The following ZNF385D variants were observed in gnomAD, a reference collection of about 807,000 sequenced individuals.
ZNF385D encodes the protein zinc finger protein 385D.
ZNF385D carries 15 observed loss-of-function variants against 35.8 expected under a neutral mutation model. That is an observed-to-expected ratio of 0.42 (90% confidence interval 0.28 to 0.64). The LOEUF (loss-of-function observed/expected upper bound fraction) is 0.64, where lower values mean the gene tolerates loss of function less well. Ranked by LOEUF, ZNF385D falls within the 30% of genes least tolerant of loss-of-function variation. The probability of loss-of-function intolerance (pLI) is 0.23; values close to 1 mark genes in which losing one functional copy is unlikely to be tolerated. For synonymous variants in ZNF385D, 212 were observed against 186.8 expected, an observed-to-expected ratio of 1.13 and a Z score of -1.10; for missense variants, 474 against 494.6, an observed-to-expected ratio of 0.96 and a Z score of 0.39.
chr3:22,258,544 C>G (rs1018897540), intron 2 of ZNF385D, among the ~76,000 whole-genome samples: 3 of 151,402 alleles, frequency 2.0e-5, no homozygotes, highest in Non-Finnish European at 4.4e-5. Context: ...CTCTGGGTAG[C>G]AGAACTTGTA....
chr3:21,713,891 A>T (rs896710520), intron 1 of ZNF385D, among the ~76,000 whole-genome samples: 23 of 152,130 alleles, frequency 1.5e-4, no homozygotes, highest in Middle Eastern at 3.2e-3. Flanking sequence ...CTCCTTTTAC[A>T]TCAACTGAGT....
intron 3 of ZNF385D, among the ~76,000 whole-genome samples, chr3:22,002,576 T>C (rs1324211514): frequency 1.3e-5 from 2 of 152,190 alleles, no homozygotes; most frequent in African/African-American, 2.4e-5. Flanking sequence ...TAACTCATTT[T>C]ATGAGGCCAG....
At chr3:21,579,617 G>A (rs1346127183) in intron 2 of ZNF385D, 1 of 152,090 alleles carries the variant, frequency 6.6e-6, no homozygotes, top group African/African-American at 2.4e-5. Context: ...ATATTTTAAT[G>A]TGTTTTCTAG....
At chr3:22,288,902 C>T (rs1159672824) in intron 2 of ZNF385D, among the ~76,000 whole-genome samples, 1 of 152,070 alleles carries the variant, frequency 6.6e-6, no homozygotes, top group Non-Finnish European at 1.5e-5. Context: ...CCTAAAGTGC[C>T]TCTCAAATCT....
intron 2 of ZNF385D, among the ~76,000 whole-genome samples, chr3:22,341,915 T>A (rs1430116506): frequency 6.6e-6 from 1 of 152,166 alleles, no homozygotes; most frequent in Non-Finnish European, 1.5e-5. Context: ...TTAATTATGG[T>A]AATATCTCTG....
At chr3:21,492,618 A>T (rs1298670577) in intron 4 of ZNF385D, among the ~76,000 whole-genome samples, 1 of 151,666 alleles carries the variant, frequency 6.6e-6, no homozygotes, top group Non-Finnish European at 1.5e-5. Context: ...CCTCCTCTCC[A>T]CCAAAAACTA....
At chr3:22,321,005 A>T (rs944034463) in intron 2 of ZNF385D, among the ~76,000 whole-genome samples, 2 of 152,040 alleles carry the variant, frequency 1.3e-5, no homozygotes, top group South Asian at 4.1e-4. Context: ...TTGCGGAAAA[A>T]CATAATAAAT....
intron 3 of ZNF385D, among the ~76,000 whole-genome samples, chr3:21,914,099 T>C (rs769286467): frequency 1.3e-5 from 2 of 152,070 alleles, no homozygotes; most frequent in Non-Finnish European, 2.9e-5. Context: ...GGGAGACACA[T>C]GTAGCCTACA....
Position 22,346,931 on chromosome 3 carries a change from T to C in ZNF385D, c.106+25519A>G, listed in dbSNP as rs1405556234. Among the ~76,000 whole-genome samples, 5 of 152,338 alleles carry C rather than the reference T, an allele frequency of 3.3e-5. No individual in the cohort carries two copies. The East Asian group carries it at 9.6e-4, about 29-fold the overall frequency. The stretch of plus-strand genomic sequence containing the variant: ...CTGTTCCGGTTTATGATCAGTCAGA[T>C]GTTGTTAATATGCTAGTGGAGAATC... On this transcript the variant is annotated intron_variant, in intron 2 of 5. Transcript: ENST00000494108.
intron 3 of ZNF385D, among the ~76,000 whole-genome samples, chr3:22,062,469 A>G (rs1235073174): frequency 6.6e-6 from 1 of 152,240 alleles, no homozygotes; most frequent in African/African-American, 2.4e-5. Context: ...ATACTGCCAT[A>G]TAAAGGACTT....
rs200803155 is a variant in ZNF385D at position 21,724,477 on chromosome 3, C to CAAAAAAAAAAAAAAAAAAAAAA, written c.22+26396_22+26417dup. Among the ~76,000 whole-genome samples, 5 of 52,020 alleles carry CAAAAAAAAAAAAAAAAAAAAAA rather than the reference C, an allele frequency of 9.6e-5. 2 individuals carry two copies. The highest frequency in any genetic ancestry group is 7.9e-4 in the African/African-American group (5 of 6,320). The allele number at this position is 52,020 out of a possible 152,430, so 34.1% of individuals were successfully genotyped here. On this transcript the variant is annotated intron_variant, in intron 1 of 7. Transcript: ENST00000281523. ...AATATTTACCAAGCAAATGGAAAGC[C>CAAAAAAAAAAAAAAAAAAAAAA]AAAAAAAAAAAAAAAAAAAAAAAAA...
At chr3:21,630,485 G>A (rs539465764) in intron 2 of ZNF385D, among the ~76,000 whole-genome samples, 3 of 151,992 alleles carry the variant, frequency 2.0e-5, no homozygotes, top group African/African-American at 4.8e-5. Context: ...GAAAACAAGC[G>A]TGAGCCACCG....
chr3:21,972,211 T>A (rs1178795329), intron 3 of ZNF385D, among the ~76,000 whole-genome samples: 3 of 151,996 alleles, frequency 2.0e-5, no homozygotes, highest in African/African-American at 7.2e-5. Context: ...GGACAAAAAG[T>A]CTTAAAAATT....
At position 22,021,208 on chromosome 3, in the gene ZNF385D, C is replaced by A. The variant is rs112587035; in HGVS notation, c.325+147609G>T. Among the ~76,000 whole-genome samples the A allele has an allele frequency of 4.0e-5, 6 of 151,660 alleles. 1 individual carries two copies. The highest frequency in any genetic ancestry group is 1.4e-4 in the African/African-American group (6 of 41,386). On this transcript the variant is annotated intron_variant, in intron 3 of 5. Transcript: ENST00000494108. The stretch of plus-strand genomic sequence containing the variant: ...AAGCCCTGACTTGCCACTACACAAT[C>A]GATACATGAAACAAAATAGTACTTG...
intron 3 of ZNF385D, among the ~76,000 whole-genome samples, chr3:22,067,759 C>T (rs191934083): frequency 6.6e-6 from 1 of 152,322 alleles, no homozygotes; most frequent in East Asian, 1.9e-4. Context: ...CATGGTGGCT[C>T]ACGCCTGTAA....
rs1034700187 is a variant in ZNF385D, at chr3:21,419,646, G to T, written c.*1568C>A. On this transcript the variant is annotated 3_prime_UTR_variant, in exon 8 of 8. Coordinates refer to ENST00000281523, the MANE Select transcript of ZNF385D (RefSeq NM_024697.3). The stretch of plus-strand genomic sequence containing the variant: ...TTGCTCTTATTAATGCAACAGACTG[G>T]CTGCATCAAACCCCACCATTTTGAT... The T allele has an allele frequency of 2.0e-5, 3 of 151,950 alleles. No homozygotes were observed. Among genetic ancestry groups the T allele is most frequent in the Admixed American group, 2.0e-4 (3 of 15,246 alleles). The allele number at this position is 151,950 out of a possible 1,614,324, so 9.4% of individuals were successfully genotyped here.
intron 2 of ZNF385D, among the ~76,000 whole-genome samples, chr3:21,582,717 G>A (rs1418743166): frequency 6.6e-6 from 1 of 152,092 alleles, no homozygotes. Flanking sequence ...TCTTAACCAT[G>A]TAGGTACAGT....
At chr3:21,933,658 A>C (rs1701121861) in intron 3 of ZNF385D, among the ~76,000 whole-genome samples, 1 of 152,182 alleles carries the variant, frequency 6.6e-6, no homozygotes, top group Non-Finnish European at 1.5e-5. Context: ...ATTTCTGTAT[A>C]CCATGACAAA....
At chr3:22,065,369 G>C (rs1699888149) in intron 3 of ZNF385D, among the ~76,000 whole-genome samples, 1 of 152,230 alleles carries the variant, frequency 6.6e-6, no homozygotes, top group Admixed American at 6.5e-5. Context: ...TGCCAACACA[G>C]TGCTGGGGAC....
Sources: allele counts gnomAD v4.1 joint callset (sites outside exome capture counted in the v4.1 genomes callset), GRCh38; gene constraint gnomAD v4.1.1; transcripts MANE v1.5; gene names NCBI Gene and HGNC (gene_info 2026-07-23, HGNC 2026-07-21).